The following DOCK8 variants were observed in gnomAD, a reference collection of about 807,000 sequenced individuals.
The protein encoded by DOCK8 is dedicator of cytokinesis 8.
DOCK8 carries 141 observed loss-of-function variants against 245.6 expected under a neutral mutation model. That is an observed-to-expected ratio of 0.57 (90% CI 0.50 to 0.66). The LOEUF (loss-of-function observed/expected upper bound fraction) is 0.66. Ranked by LOEUF, DOCK8 falls within the 30% of genes least tolerant of loss-of-function variation. DOCK8 has a pLI of 0.00. For missense variants in DOCK8, 2,965 were observed against 2,603.4 expected (o/e 1.14, Z -3.02); for synonymous variants, 1,168 against 970.2 (o/e 1.20, Z -3.79).
chr9:312,533 A>G (rs1172618555), intron 6 of DOCK8: 1 of 408,734 alleles, frequency 2.4e-6, no homozygotes, highest in South Asian at 1.9e-5. Context: ...CCATTGAGAC[A>G]TACATTACTT....
At chr9:438,465 A>C (rs1267393602) in intron 39 of DOCK8, among the ~76,000 whole-genome samples, 1 of 152,210 alleles carries the variant, frequency 6.6e-6, no homozygotes, top group Non-Finnish European at 1.5e-5. Flanking sequence ...GCTAGGAAGA[A>C]AATGATTCTT....
At chr9:387,297 G>C (rs1015500036) in intron 23 of DOCK8, among the ~76,000 whole-genome samples, 22 of 152,060 alleles carry the variant, frequency 1.4e-4, no homozygotes, top group Admixed American at 3.9e-4. Context: ...ACAAAAACTA[G>C]CCGGGCATGA....
rs376111035 is a variant in DOCK8 at position 418,051 on chromosome 9, C to G, written c.3701-17C>G. 5 of 1,614,136 alleles carry G rather than the reference C, an allele frequency of 3.1e-6. No homozygotes were observed. The highest frequency in any genetic ancestry group is 1.3e-5 in the African/African-American group (1 of 75,038). On this transcript the variant is annotated splice_polypyrimidine_tract_variant and intron_variant, in intron 29 of 47. Transcript: ENST00000432829. ...GTCATGTTTGACTTGACATCACAAA[C>G]GATGTTTTCATTGCAGTTGCAGATA...
chr9:282,356 C>T (rs1337430312), intron 2 of DOCK8, among the ~76,000 whole-genome samples: 1 of 151,304 alleles, frequency 6.6e-6, no homozygotes, highest in Admixed American at 6.6e-5. Context: ...CCAGGTTTTT[C>T]ATCATTTGTG....
intron 1 of DOCK8, among the ~76,000 whole-genome samples, chr9:248,964 C>G (rs1199310223): frequency 6.6e-6 from 1 of 152,168 alleles, no homozygotes; most frequent in African/African-American, 2.4e-5. Context: ...GCAAAAATGA[C>G]TGCACACTTA....
At chr9:413,886 A>G (rs909124676) in intron 28 of DOCK8, among the ~76,000 whole-genome samples, 10 of 152,246 alleles carry the variant, frequency 6.6e-5, no homozygotes, top group African/African-American at 9.6e-5. Context: ...TCACGCCTAT[A>G]ATCTCAGCAC....
chr9:287,094 G>A (rs145533405), intron 3 of DOCK8, among the ~76,000 whole-genome samples: 314 of 152,268 alleles, frequency 2.1e-3, no homozygotes, highest in African/African-American at 7.0e-3. Flanking sequence ...GAAACATAAG[G>A]TAAACCCACA....
chr9:403,961 T>C (rs1445770602), intron 26 of DOCK8, among the ~76,000 whole-genome samples: 2 of 75,564 alleles, frequency 2.6e-5, no homozygotes, highest in African/African-American at 1.6e-4. Context: ...TATATATATG[T>C]ATATATATAT....
chr9:362,996 A>T (rs549490441), intron 14 of DOCK8, among the ~76,000 whole-genome samples: 1 of 152,220 alleles, frequency 6.6e-6, no homozygotes, highest in African/African-American at 2.4e-5. Context: ...AGACTCCACA[A>T]GTTAACCCCC....
intron 4 of DOCK8, among the ~76,000 whole-genome samples, 169 bp from the exon 5 acceptor site, chr9:304,412 T>C (rs1424447570): frequency 6.6e-6 from 1 of 152,184 alleles, no homozygotes; most frequent in Non-Finnish European, 1.5e-5. Context: ...AACAGAGCCT[T>C]GTATTAGGCC....
intron 4 of DOCK8, among the ~76,000 whole-genome samples, chr9:302,959 C>T (rs1378176554): frequency 6.6e-6 from 1 of 150,896 alleles, no homozygotes; most frequent in East Asian, 1.9e-4. Context: ...AAGACTGTGT[C>T]TCTACAAAAC....
At chr9:429,440 C>T (rs192800437) in intron 35 of DOCK8, among the ~76,000 whole-genome samples, 3 of 152,352 alleles carry the variant, frequency 2.0e-5, no homozygotes, top group African/African-American at 7.2e-5. Flanking sequence ...GTTGTGATTT[C>T]ACCAGTGAAT....
Position 376,752 on chromosome 9 carries a change from A to C in DOCK8, c.2206-225A>C, listed in dbSNP as rs148563380. ...TGCTTACAGAACATGTCAGAGCCAA[A>C]ATTATTTCTTCTTTAGCTAATAATT... is the stretch of plus-strand genomic sequence containing the variant. On this transcript the variant is annotated intron_variant, in intron 19 of 47. Coordinates refer to ENST00000432829, the MANE Select transcript of DOCK8 (RefSeq NM_203447.4). 7.9e-3 allele frequency among the ~76,000 whole-genome samples: 1,205 copies of C among 152,300 alleles called. 16 individuals are homozygous for C. The highest frequency in any genetic ancestry group is 0.028 in the African/African-American group (1,152 of 41,556).
At chr9:413,192 A>C (rs2055826630) in intron 28 of DOCK8, among the ~76,000 whole-genome samples, 1 of 152,216 alleles carries the variant, frequency 6.6e-6, no homozygotes, top group South Asian at 2.1e-4. Context: ...GTGTTGGGAC[A>C]ACTGGGTATC....
chr9:326,585 C>T (rs542336890), intron 8 of DOCK8, among the ~76,000 whole-genome samples: 2 of 152,256 alleles, frequency 1.3e-5, no homozygotes, highest in East Asian at 1.9e-4. Flanking sequence ...GTCAGGGGAC[C>T]ACATTTTGAA....
At chr9:296,710 C>T (rs1270313902) in intron 4 of DOCK8, among the ~76,000 whole-genome samples, 1 of 152,226 alleles carries the variant, frequency 6.6e-6, no homozygotes. Context: ...GTTGTGCTAG[C>T]TGTCAAGGTG....
At chr9:381,832 T>C (rs10973247) in intron 21 of DOCK8, among the ~76,000 whole-genome samples, 60,943 of 151,704 alleles carry the variant, frequency 0.4, 16,036 homozygotes, top group African/African-American at 0.75. Context: ...TGGTGGCGGG[T>C]GCCTGTAGTC....
At chr9:314,714 G>A (rs1379151364) in intron 6 of DOCK8, among the ~76,000 whole-genome samples, 1 of 152,176 alleles carries the variant, frequency 6.6e-6, no homozygotes, top group Non-Finnish European at 1.5e-5. Context: ...TATAATTTGT[G>A]CTTTCTCCAA....
At chr9:438,492 A>G (rs929159689) in intron 39 of DOCK8, among the ~76,000 whole-genome samples, 13 of 152,144 alleles carry the variant, frequency 8.5e-5, no homozygotes, top group Admixed American at 3.3e-4. Context: ...TCACATATTC[A>G]CTGCCAGGGC....
Sources: allele counts gnomAD v4.1 joint callset (sites outside exome capture counted in the v4.1 genomes callset), GRCh38; gene constraint gnomAD v4.1.1; transcripts MANE v1.5; gene names NCBI Gene and HGNC (gene_info 2026-07-23, HGNC 2026-07-21).